RUBCNL: variants seen among roughly 807,000 people sequenced by gnomAD.
RUBCNL encodes the protein protein associated with UVRAG as autophagy enhancer.
In RUBCNL, 62 loss-of-function variants were observed where a neutral mutation model predicts 69.5. The observed-to-expected ratio is 0.89, with a 90% CI of 0.73 to 1.10. The LOEUF is 1.10. RUBCNL is among the 50% of genes least tolerant of loss of function. The pLI, the probability that RUBCNL is intolerant of heterozygous loss-of-function variation, is 0.00. For synonymous variants in RUBCNL, 291 were observed against 303.6 expected, an observed-to-expected ratio of 0.96 and a Z score of 0.43; for missense variants, 768 against 798.1, an observed-to-expected ratio of 0.96 and a Z score of 0.45.
At chr13:46,348,710 T>A (rs1288274391) in intron 12 of RUBCNL, among the ~76,000 whole-genome samples, 1 of 151,774 alleles carries the variant, frequency 6.6e-6, no homozygotes, top group East Asian at 1.9e-4. Context: ...TTCAAGCGAT[T>A]CTCCTGCCTC....
chr13:46,365,302 CAA>C (rs34280215), intron 5 of RUBCNL, among the ~76,000 whole-genome samples: 719 of 59,420 alleles, frequency 0.012, 6 homozygotes, highest in African/African-American at 0.043. Flanking sequence ...GACTCCATCT[CAA>C]AAAAAAAAAA....
Position 46,387,240 on chromosome 13 carries a change from C to T in RUBCNL, c.-345G>A. 7.1e-6 allele frequency: 7 copies of T among 985,438 alleles called. No individual in the cohort carries two copies. Among genetic ancestry groups the T allele is most frequent in the Non-Finnish European group, 8.4e-6 (7 of 829,974 alleles). The allele number at this position is 985,438 out of a possible 1,614,324, so 61.0% of individuals were successfully genotyped here. A position where few individuals can be genotyped will look rare whatever the true frequency, so the allele number is the denominator to read the frequency against. On this transcript the variant is annotated 5_prime_UTR_variant, in exon 1 of 15. Coordinates refer to ENST00000429979, the MANE Select transcript of RUBCNL (RefSeq NM_025113.5). ...TCCGTGGCCACCGCGCTCCCGGTAACAGCAGAAAGGGGAGGGAGGAGAGCT... is the reference window on the plus strand; with the variant it reads ...TCCGTGGCCACCGCGCTCCCGGTAATAGCAGAAAGGGGAGGGAGGAGAGCT...
intron 12 of RUBCNL, among the ~76,000 whole-genome samples, chr13:46,347,434 A>C (rs776684088): frequency 2.0e-5 from 3 of 152,124 alleles, no homozygotes; most frequent in Non-Finnish European, 2.9e-5. Context: ...AACAAAAAAA[A>C]CTATACTTTA....
intron 1 of RUBCNL, among the ~76,000 whole-genome samples, chr13:46,381,865 C>T (rs1385931553): frequency 6.6e-6 from 1 of 152,184 alleles, no homozygotes; most frequent in East Asian, 1.9e-4. Flanking sequence ...AGTGCAGTGG[C>T]ATGATCATGG....
At chr13:46,358,184 G>C (rs2048532428) in intron 9 of RUBCNL, among the ~76,000 whole-genome samples, 1 of 152,118 alleles carries the variant, frequency 6.6e-6, no homozygotes, top group Non-Finnish European at 1.5e-5. Flanking sequence ...AGACTTTCTT[G>C]GCATTCTCTC....
rs1010333118 is a variant in RUBCNL at position 46,350,717 on chromosome 13, G to T, written c.1331-366C>A. The T allele has an allele frequency of 1.5e-5, 3 of 206,376 alleles. No individual in the cohort carries two copies. The Admixed American group carries it at 1.6e-4, about 11-fold the overall frequency. 12.8% of individuals were successfully genotyped at this position (206,376 alleles called of 1,614,324 possible). A position where few individuals can be genotyped will look rare whatever the true frequency, so the allele number is the denominator to read the frequency against. On this transcript the variant is annotated intron_variant, in intron 10 of 14. Transcript: ENST00000429979. ...TCACTAGCAGGAAGACTGAAGGCAG[G>T]TTAGGCTAACTATTCTGAGACCACA...
chr13:46,369,499 T>C (rs958008353), intron 3 of RUBCNL, among the ~76,000 whole-genome samples: 1 of 152,160 alleles, frequency 6.6e-6, no homozygotes, highest in African/African-American at 2.4e-5. Flanking sequence ...ACAGGCAGAT[T>C]GAGCCACTGC....
intron 3 of RUBCNL, among the ~76,000 whole-genome samples, chr13:46,370,106 G>T (rs1474664049): frequency 6.6e-6 from 1 of 152,226 alleles, no homozygotes. Flanking sequence ...TGCAGACTCT[G>T]AGTATAGAGG....
intron 6 of RUBCNL, among the ~76,000 whole-genome samples, 154 bp downstream of exon 6, chr13:46,362,961 T>TATATATATATATATCTATATATATAG (rs2048662577): frequency 8.0e-6 from 1 of 125,540 alleles, no homozygotes; most frequent in East Asian, 2.4e-4. Flanking sequence ...TATATATATA[T>TATATATATATATATCTATATATATAG]ATATATATAT....
chr13:46,362,943 T>TATAG lies in RUBCNL; in HGVS notation c.925+171_925+172insCTAT, dbSNP rs1555253803. ...AACATCATATATATATATATAGATA[T>TATAG]ATATATATATATATATATATATATA... On this transcript the variant is annotated intron_variant, in intron 6 of 14. Transcript: ENST00000429979. Among the ~76,000 whole-genome samples, 12 of 56,738 alleles carry TATAG rather than the reference T, an allele frequency of 2.1e-4. 1 individual carries two copies. Among genetic ancestry groups the TATAG allele is most frequent in the African/African-American group, 4.2e-4 (3 of 7,152 alleles). 37.2% of individuals were successfully genotyped at this position (56,738 alleles called of 152,430 possible). A position where few individuals can be genotyped will look rare whatever the true frequency, so the allele number is the denominator to read the frequency against.
rs367663422 is a variant in RUBCNL at position 46,361,300 on chromosome 13, A to G, written c.1119+141T>C. Reference sequence around the variant, plus strand: ...CTGGTACACAATAAGTACTCAACACATGCCAGTTTCCTCATTCATTTTGAG... The same window carrying G: ...CTGGTACACAATAAGTACTCAACACGTGCCAGTTTCCTCATTCATTTTGAG... On this transcript the variant is annotated intron_variant, in intron 8 of 14. Transcript: ENST00000429979. 91 of 759,332 alleles carry G rather than the reference A, an allele frequency of 1.2e-4. No individual in the cohort carries two copies. In the East Asian group the frequency reaches 1.2e-3, roughly 10 times the overall value. The allele number at this position is 759,332 out of a possible 1,614,324, so 47.0% of individuals were successfully genotyped here. A position where few individuals can be genotyped will look rare whatever the true frequency, so the allele number is the denominator to read the frequency against.
At chr13:46,369,693 T>A (rs1442568779) in intron 3 of RUBCNL, among the ~76,000 whole-genome samples, 1 of 152,216 alleles carries the variant, frequency 6.6e-6, no homozygotes, top group Admixed American at 6.5e-5. Flanking sequence ...AAAACAAACA[T>A]TTTTTCTGTC....
intron 9 of RUBCNL, among the ~76,000 whole-genome samples, chr13:46,357,462 C>T (rs1384888212): frequency 1.3e-5 from 2 of 151,474 alleles, no homozygotes; most frequent in African/African-American, 2.4e-5. Flanking sequence ...GAACCAGAGA[C>T]ATGTTATACA....
At chr13:46,387,522 G>A, upstream of RUBCNL, 7 of 985,674 alleles carry the variant, frequency 7.1e-6, no homozygotes, top group Non-Finnish European at 8.4e-6. Flanking sequence ...CCCGCGGCGC[G>A]AGACGCAACG....
At chr13:46,376,621 A>G (rs190605447) in intron 2 of RUBCNL, among the ~76,000 whole-genome samples, 48 of 152,304 alleles carry the variant, frequency 3.2e-4, no homozygotes, top group African/African-American at 1.1e-3. Flanking sequence ...CCATGACTAC[A>G]TTTTTATAAA....
At chr13:46,345,646 G>A in intron 12 of RUBCNL, 46 bp from the exon 13 acceptor site, 1 of 1,585,580 alleles carries the variant, frequency 6.3e-7, no homozygotes, top group South Asian at 1.1e-5. Flanking sequence ...CACCCACACA[G>A]AGGACAGGGA....
chr13:46,350,510 CAG>C (rs2048348706), intron 10 of RUBCNL, 159 bp from the exon 11 acceptor site: 1 of 591,564 alleles, frequency 1.7e-6, no homozygotes, highest in African/African-American at 1.9e-5. Context: ...AAGGCTCCAG[CAG>C]AGACTTGGGG....
chr13:46,357,927 G>A (rs1208445836), intron 9 of RUBCNL, among the ~76,000 whole-genome samples: 2 of 152,138 alleles, frequency 1.3e-5, no homozygotes, highest in African/African-American at 2.4e-5. Flanking sequence ...CACTGTGCCC[G>A]GCCTGAGGGA....
chr13:46,378,494 G>A (rs1478484396), intron 1 of RUBCNL: 1 of 153,240 alleles, frequency 6.5e-6, no homozygotes, highest in Admixed American at 6.5e-5. Context: ...GGTAGGCACA[G>A]GCCAGATTAC....
Sources: gnomAD v4.1 joint callset for allele counts (sites outside exome capture counted in the v4.1 genomes callset) on GRCh38, gnomAD v4.1.1 for gene constraint, MANE v1.5 for transcripts, NCBI Gene and HGNC (gene_info 2026-07-23, HGNC 2026-07-21) for gene names.